The following RHD variants were observed in gnomAD, a reference collection of about 807,000 sequenced individuals.
RHD encodes the protein Rh blood group D antigen.
Under a neutral mutation model 45.5 loss-of-function variants are expected in RHD, and 16 were observed. The observed-to-expected ratio is 0.35, with a 90% CI of 0.24 to 0.53. RHD has a LOEUF of 0.53. Ranked by LOEUF, RHD falls within the 20% of genes least tolerant of loss-of-function variation. The probability of loss-of-function intolerance (pLI) is 0.92; values close to 1 mark genes in which losing one functional copy is unlikely to be tolerated. For synonymous variants in RHD, 131 were observed against 217.5 expected (o/e 0.60, Z 3.50); for missense variants, 306 against 532.0 (o/e 0.58, Z 4.18).
intron 7 of RHD, among the ~76,000 whole-genome samples, chr1:25,314,929 G>A (rs1364344820): frequency 7.6e-6 from 1 of 130,892 alleles, no homozygotes; most frequent in Non-Finnish European, 1.8e-5. Context: ...TTTGCAGCCA[G>A]CGCGGTGGCT....
chr1:25,299,072 T>TA (rs34867414), intron 3 of RHD, among the ~76,000 whole-genome samples: 9,087 of 40,842 alleles, frequency 0.22, 1,579 homozygotes, highest in Admixed American at 0.32. Flanking sequence ...CACATGGTGA[T>TA]AAAAAAAAAA....
At position 25,285,917 on chromosome 1, in the gene RHD, A is replaced by C. The variant is rs768056695; in HGVS notation, c.335+1158A>C. ...CTAAACCTCTGGGCACTGCTGTTAAACATTTCTCTATGAGCCAGGAACTGT... is the reference window on the plus strand; with the variant it reads ...CTAAACCTCTGGGCACTGCTGTTAACCATTTCTCTATGAGCCAGGAACTGT... On this transcript the variant is annotated intron_variant, in intron 2 of 9. Coordinates refer to ENST00000328664, the MANE Select transcript of RHD (RefSeq NM_016124.6). 2.2e-5 allele frequency among the ~76,000 whole-genome samples: 3 copies of C among 134,364 alleles called. 1 individual carries two copies. Among genetic ancestry groups the C allele is most frequent in the Non-Finnish European group, 5.3e-5 (3 of 57,020 alleles). The allele number at this position is 134,364 out of a possible 152,430, so 88.1% of individuals were successfully genotyped here.
chr1:25,319,662 C>A (rs538319478), intron 8 of RHD, among the ~76,000 whole-genome samples: 2 of 132,292 alleles, frequency 1.5e-5, no homozygotes, highest in African/African-American at 5.1e-5. Context: ...GTTCCTCAAG[C>A]AGCCAAAATT....
chr1:25,284,522 A>G (rs767278754), intron 1 of RHD, 51 bp from the exon 2 acceptor site: 1 of 1,353,642 alleles, frequency 7.4e-7, no homozygotes, highest in Non-Finnish European at 1.0e-6. Flanking sequence ...ATACCACCCT[A>G]AATCTCGTCT....
intron 1 of RHD, among the ~76,000 whole-genome samples, chr1:25,275,662 A>G (rs1188143829): frequency 7.5e-6 from 1 of 133,538 alleles, no homozygotes; most frequent in African/African-American, 2.6e-5. Flanking sequence ...AGGAAAATTG[A>G]AAGAGATCAA....
chr1:25,297,537 T>C (rs1404709322), intron 3 of RHD, among the ~76,000 whole-genome samples: 1 of 128,390 alleles, frequency 7.8e-6, no homozygotes, highest in Admixed American at 7.7e-5. Context: ...ATTAGTACTA[T>C]AATAATTGCC....
chr1:25,308,572 G>C (rs1350726608), intron 7 of RHD, among the ~76,000 whole-genome samples: 1 of 131,964 alleles, frequency 7.6e-6, no homozygotes, highest in Non-Finnish European at 1.8e-5. Flanking sequence ...TGGTACAAAC[G>C]CTTCCCGCAT....
rs1487172058 is a variant in RHD at position 25,311,480 on chromosome 1, G to C, written c.1073+4751G>C. Among the ~76,000 whole-genome samples the C allele has an allele frequency of 1.5e-5, 2 of 129,470 alleles. 1 individual carries two copies. The highest frequency in any genetic ancestry group is 3.7e-5 in the Non-Finnish European group (2 of 54,782). 84.9% of individuals were successfully genotyped at this position (129,470 alleles called of 152,430 possible). A position where few individuals can be genotyped will look rare whatever the true frequency, so the allele number is the denominator to read the frequency against. On this transcript the variant is annotated intron_variant, in intron 7 of 9. Transcript: ENST00000328664. ...GCAGAGCTTGCAGTGAGCCAAGATCGCGCCACTGCACTCCAGCCTGGGCGA... is the reference window on the plus strand; with the variant it reads ...GCAGAGCTTGCAGTGAGCCAAGATCCCGCCACTGCACTCCAGCCTGGGCGA...
intron 1 of RHD, among the ~76,000 whole-genome samples, chr1:25,275,918 A>T (rs1640920633): frequency 7.6e-6 from 1 of 132,394 alleles, no homozygotes. Context: ...CTTGACTGCC[A>T]TTATTTCTAT....
At chr1:25,284,337 T>C (rs1641765001) in intron 1 of RHD, among the ~76,000 whole-genome samples, 2 of 135,876 alleles carry the variant, frequency 1.5e-5, no homozygotes, top group Non-Finnish European at 3.5e-5. Context: ...CTGCCCTAAG[T>C]GCTTAATTAG....
chr1:25,296,695 G>A (rs1292537271), intron 3 of RHD, among the ~76,000 whole-genome samples: 1 of 128,790 alleles, frequency 7.8e-6, no homozygotes, highest in African/African-American at 2.6e-5. Context: ...CAGTGAGTGG[G>A]TTTTCAGGAG....
intron 1 of RHD, among the ~76,000 whole-genome samples, 181 bp from the exon 2 acceptor site, chr1:25,284,392 T>C (rs1281598212): frequency 1.5e-5 from 2 of 135,718 alleles, no homozygotes; most frequent in Non-Finnish European, 3.5e-5. Context: ...CGGCATGTTA[T>C]GTTATCCCCA....
At position 25,293,860 on chromosome 1, in the gene RHD, G is replaced by T. The variant is rs1317070099; in HGVS notation, c.486+3069G>T. ...TAATAAAGCTGGATTCTCTTTAAGA[G>T]ATTGAGAAATTAAAAGGCAAAAGCT... On this transcript the variant is annotated intron_variant, in intron 3 of 9. Transcript: ENST00000328664. Among the ~76,000 whole-genome samples, 5 of 131,920 alleles carry T rather than the reference G, an allele frequency of 3.8e-5. 2 individuals carry two copies. The highest frequency in any genetic ancestry group is 8.9e-5 in the Non-Finnish European group (5 of 55,946). The allele number at this position is 131,920 out of a possible 152,430, so 86.5% of individuals were successfully genotyped here.
chr1:25,312,152 C>T (rs1644184874), intron 7 of RHD, among the ~76,000 whole-genome samples: 1 of 97,598 alleles, frequency 1.0e-5, no homozygotes, highest in African/African-American at 3.5e-5. Context: ...AGGTGGCACA[C>T]AGAGTAAAAG....
rs1557548421 is a variant in RHD at position 25,306,564 on chromosome 1, GC to G, written c.940-30del. The G allele has an allele frequency of 3.6e-6, 5 of 1,373,982 alleles. 1 individual carries two copies. The highest frequency in any genetic ancestry group is 5.1e-6 in the Non-Finnish European group (5 of 975,468). The allele number at this position is 1,373,982 out of a possible 1,614,324, so 85.1% of individuals were successfully genotyped here. On this transcript the variant is annotated intron_variant, in intron 6 of 9. Transcript: ENST00000328664. ...TGGGTAGGGAATATGGGTCTCACCT[GC>G]CAATCTGCTTATAATAACACTTGTC...
At chr1:25,320,341 T>C (rs1644634751) in intron 8 of RHD, among the ~76,000 whole-genome samples, 2 of 132,174 alleles carry the variant, frequency 1.5e-5, no homozygotes, top group African/African-American at 5.2e-5. Flanking sequence ...TCTGATTTTT[T>C]TTAAAAAAAG....
At chr1:25,282,974 A>G (rs1430207933) in intron 1 of RHD, among the ~76,000 whole-genome samples, 1 of 132,686 alleles carries the variant, frequency 7.5e-6, no homozygotes, top group Non-Finnish European at 1.8e-5. Context: ...CCAAACTTAG[A>G]GACAATATTA....
chr1:25,279,086 G>A (rs1399270132), intron 1 of RHD, among the ~76,000 whole-genome samples: 3 of 128,932 alleles, frequency 2.3e-5, no homozygotes, highest in East Asian at 3.9e-4. Context: ...GCAGCTGACC[G>A]GAGGAGGCAG....
At position 25,278,814 on chromosome 1, in the gene RHD, C is replaced by T. The variant is rs1416939208; in HGVS notation, c.149-5759C>T. The stretch of plus-strand genomic sequence containing the variant: ...TTCCACACTGCAGCTTTGGTCTGCC[C>T]CTTTGGGAAATCTCTGTTTTTCTTC... On this transcript the variant is annotated intron_variant, in intron 1 of 9. Coordinates refer to ENST00000328664, the MANE Select transcript of RHD (RefSeq NM_016124.6). 1.5e-5 allele frequency among the ~76,000 whole-genome samples: 2 copies of T among 129,604 alleles called. 1 individual carries two copies. The highest frequency in any genetic ancestry group is 3.7e-5 in the Non-Finnish European group (2 of 54,778). The allele number at this position is 129,604 out of a possible 152,430, so 85.0% of individuals were successfully genotyped here.
Sources: gnomAD v4.1 joint callset for allele counts (sites outside exome capture counted in the v4.1 genomes callset) on GRCh38, gnomAD v4.1.1 for gene constraint, MANE v1.5 for transcripts, NCBI Gene and HGNC (gene_info 2026-07-23, HGNC 2026-07-21) for gene names.